ARHGEF37: variants seen among roughly 807,000 people sequenced by gnomAD.
The protein encoded by ARHGEF37 is Rho guanine nucleotide exchange factor (GEF) 37.
A neutral mutation model predicts 71.1 loss-of-function variants in ARHGEF37; 55 were observed. The ratio of observed to expected loss-of-function variants is 0.77; its 90% confidence interval spans 0.62 to 0.97. The LOEUF (loss-of-function observed/expected upper bound fraction) is 0.97. Ranked by LOEUF, ARHGEF37 falls within the 50% of genes least tolerant of loss-of-function variation. The pLI is 0.00. For missense variants in ARHGEF37, 765 were observed against 836.8 expected (o/e 0.91, Z 1.06); for synonymous variants, 327 against 350.6 (o/e 0.93, Z 0.75).
intron 2 of ARHGEF37, among the ~76,000 whole-genome samples, chr5:149,599,434 C>CTTACTTATTTATTTATTTATTTAT (rs144654314): frequency 0.021 from 3,049 of 147,856 alleles, 112 homozygotes; most frequent in African/African-American, 0.074. Flanking sequence ...CCAAGGCAAA[C>CTTACTTATTTATTTATTTATTTAT]TTATTTATTT....
chr5:149,612,295 G>A (rs569966373), intron 4 of ARHGEF37, among the ~76,000 whole-genome samples: 15 of 152,176 alleles, frequency 9.9e-5, no homozygotes, highest in Non-Finnish European at 1.9e-4. Context: ...AGCCTCCCGA[G>A]TAGCTGGGAC....
intron 3 of ARHGEF37, among the ~76,000 whole-genome samples, chr5:149,602,358 T>A (rs992673331): frequency 6.6e-5 from 10 of 152,112 alleles, no homozygotes; most frequent in Middle Eastern, 3.2e-3. Flanking sequence ...CCCAGCTGAT[T>A]TATGTTTTTC....
Position 149,621,818 on chromosome 5 carries a change from G to T in ARHGEF37, c.1091G>T (p.Arg364Leu), listed in dbSNP as rs372019080. 6.2e-7 allele frequency: 1 copy of T among 1,614,226 alleles called. No individual in the cohort carries two copies. ...GGCCCTCAGAACCTGATCAAGAAGCGTCTGGACAAGCTACTGGACTTTGAG... is the reference window on the plus strand; with the variant it reads ...GGCCCTCAGAACCTGATCAAGAAGCTTCTGGACAAGCTACTGGACTTTGAG... ...LLGPQNLIKK[R>L]LDKLLDFERV... is the part of the protein sequence containing the mutation. Residue 364 changes from arginine (R) to leucine (L), a missense_variant, in exon 9 of 13, where the codon CGT (arginine) becomes CTT (leucine). Around this residue, in one of 5 missense-constraint regions of ARHGEF37, gnomAD observed 390 missense variants for 407.4 expected, o/e 0.96. Coordinates refer to ENST00000333677, the MANE Select transcript of ARHGEF37 (RefSeq NM_001001669.3).
chr5:149,585,757 G>A (rs1763218111), intron 1 of ARHGEF37, among the ~76,000 whole-genome samples: 1 of 152,200 alleles, frequency 6.6e-6, no homozygotes, highest in Non-Finnish European at 1.5e-5. Flanking sequence ...GACCTCAAGT[G>A]ATCCGCCTGC....
intron 2 of ARHGEF37, 57 bp from the exon 3 acceptor site, chr5:149,601,051 G>A: frequency 6.3e-7 from 1 of 1,577,900 alleles, no homozygotes; most frequent in Admixed American, 1.7e-5. Context: ...TCAAAAGCCT[G>A]CAAATACATT....
In ARHGEF37 at chr5:149,624,086, G is replaced by T. The variant is rs776430843; in HGVS notation, c.1410G>T (p.Gln470His). The T allele has an allele frequency of 1.2e-6, 2 of 1,612,122 alleles. No homozygotes were observed. Among genetic ancestry groups the T allele is most frequent in the Non-Finnish European group, 1.7e-6 (2 of 1,178,352 alleles). Residue 470 changes from glutamine to histidine, a missense_variant, in exon 10 of 13, where the codon CAG (glutamine) becomes CAT (histidine). By Grantham distance (24) the Gln-to-His change is conservative. Around this residue, in one of 5 missense-constraint regions of ARHGEF37, gnomAD observed 390 missense variants for 407.4 expected, o/e 0.96. Coordinates refer to ENST00000333677, the MANE Select transcript of ARHGEF37 (RefSeq NM_001001669.3). ...VEDALGRTSN[Q>H]LRSFQETFEK... ...ACGCACTGGGCCGGACGAGTAACCAGCTTCGCTCCTTTCAAGAGACCTTTG... is the reference window on the plus strand; with the variant it reads ...ACGCACTGGGCCGGACGAGTAACCATCTTCGCTCCTTTCAAGAGACCTTTG...
At chr5:149,588,703 T>TC (rs1763310638) in intron 1 of ARHGEF37, among the ~76,000 whole-genome samples, 1 of 152,062 alleles carries the variant, frequency 6.6e-6, no homozygotes, top group Admixed American at 6.6e-5. Flanking sequence ...GTTTTCCTTT[T>TC]TCCCCCCTTC....
chr5:149,581,826 C>T (rs1416878850), intron 1 of ARHGEF37, among the ~76,000 whole-genome samples: 1 of 152,170 alleles, frequency 6.6e-6, no homozygotes. Flanking sequence ...ATATGGCCTA[C>T]CCTAGTCGTT....
rs188667714 is a variant in ARHGEF37 at position 149,596,118 on chromosome 5, A to G, written c.-11-1641A>G. Reference sequence around the variant, plus strand: ...TACCCACCCCTCTACTTTGGGCCACAGCTGCATCAGCTCAGCTGCTCCCCA... The same window carrying G: ...TACCCACCCCTCTACTTTGGGCCACGGCTGCATCAGCTCAGCTGCTCCCCA... On this transcript the variant is annotated intron_variant, in intron 1 of 12. Coordinates refer to ENST00000333677, the MANE Select transcript of ARHGEF37 (RefSeq NM_001001669.3). Among the ~76,000 whole-genome samples the G allele has an allele frequency of 2.6e-5, 4 of 152,250 alleles. No individual in the cohort carries two copies. In the East Asian group the frequency reaches 7.7e-4, roughly 29 times the overall value.
intron 10 of ARHGEF37, 68 bp from the exon 11 acceptor site, chr5:149,627,008 A>G: frequency 6.7e-7 from 1 of 1,499,466 alleles, no homozygotes; most frequent in Non-Finnish European, 9.1e-7. Context: ...AAATGTGAGC[A>G]AATGTTGGTG....
intron 10 of ARHGEF37, among the ~76,000 whole-genome samples, chr5:149,624,469 A>G (rs937155472): frequency 2.6e-5 from 4 of 152,212 alleles, no homozygotes; most frequent in Non-Finnish European, 5.9e-5. Context: ...AACTTCTTCA[A>G]ATTGTCATCA....
intron 12 of ARHGEF37, among the ~76,000 whole-genome samples, chr5:149,631,578 A>G (rs551519462): frequency 4.6e-5 from 7 of 152,250 alleles, no homozygotes; most frequent in African/African-American, 1.7e-4. Context: ...CTGGAGAGGG[A>G]GAGGGTGCTG....
In ARHGEF37 at chr5:149,634,023, C is replaced by T. The variant is rs1052503637; in HGVS notation, c.*1832C>T. The T allele has an allele frequency of 2.0e-5, 3 of 152,274 alleles. No homozygotes were observed. Among genetic ancestry groups the T allele is most frequent in the African/African-American group, 7.2e-5 (3 of 41,558 alleles). 9.4% of individuals were successfully genotyped at this position (152,274 alleles called of 1,614,324 possible). On this transcript the variant is annotated 3_prime_UTR_variant, in exon 13 of 13. Transcript: ENST00000333677. Reference sequence around the variant, plus strand: ...ACTCGTGGGTTCCACAGATACCTACCGAAGGCCTACTGTGTGCTAGAATTG... The same window carrying T: ...ACTCGTGGGTTCCACAGATACCTACTGAAGGCCTACTGTGTGCTAGAATTG...
intron 1 of ARHGEF37, among the ~76,000 whole-genome samples, chr5:149,583,682 G>A (rs1763163613): frequency 6.6e-6 from 1 of 152,212 alleles, no homozygotes; most frequent in African/African-American, 2.4e-5. Context: ...TTCATGTGCT[G>A]TAACAGAAGC....
At chr5:149,552,247 A>G (rs1762687824) in intron 1 of ARHGEF37, 1 of 146,780 alleles carries the variant, frequency 6.8e-6, no homozygotes, top group South Asian at 2.1e-4. Context: ...AAAAAAAAGA[A>G]TCGTATGTTG....
At chr5:149,559,119 G>A (rs901278124) in intron 1 of ARHGEF37, among the ~76,000 whole-genome samples, 1 of 152,112 alleles carries the variant, frequency 6.6e-6, no homozygotes, top group Non-Finnish European at 1.5e-5. Context: ...TCAAGAGTTC[G>A]AGACCAGCCT....
chr5:149,614,243 A>C (rs1284637326), intron 4 of ARHGEF37, among the ~76,000 whole-genome samples: 1 of 151,990 alleles, frequency 6.6e-6, no homozygotes, highest in Non-Finnish European at 1.5e-5. Context: ...TTTTGTGGGT[A>C]TATTTCTAGG....
At chr5:149,590,541 A>C (rs541613233) in intron 1 of ARHGEF37, among the ~76,000 whole-genome samples, 8 of 151,206 alleles carry the variant, frequency 5.3e-5, no homozygotes, top group Non-Finnish European at 1.0e-4. Context: ...TGGCCTCCCA[A>C]AGTGTTGGGA....
At chr5:149,602,798 A>T (rs35879891) in intron 3 of ARHGEF37, among the ~76,000 whole-genome samples, 43,364 of 152,026 alleles carry the variant, frequency 0.29, 6,921 homozygotes, top group Admixed American at 0.45. Flanking sequence ...GATTCACTAC[A>T]GTGGCAGAAA....
Sources: gnomAD v4.1 joint callset for allele counts (sites outside exome capture counted in the v4.1 genomes callset) on GRCh38, gnomAD v4.1.1 for gene constraint, gnomAD v4.1.1 regional missense constraint, MANE v1.5 for transcripts, NCBI Gene and HGNC (gene_info 2026-07-23, HGNC 2026-07-21) for gene names.